Variants in HPSE2 observed in about 807,000 individuals in gnomAD.
HPSE2 encodes the protein heparanase 2 (inactive), also known as inactive heparanase-2.
Under a neutral mutation model 60.5 loss-of-function variants are expected in HPSE2, and 38 were observed. The observed-to-expected ratio is 0.63, with a 90% CI of 0.48 to 0.82. HPSE2 has a LOEUF of 0.82. HPSE2 is among the 40% of genes least tolerant of loss of function. The probability of loss-of-function intolerance (pLI) is 0.00; values close to 1 mark genes in which losing one functional copy is unlikely to be tolerated. For synonymous variants in HPSE2, 295 were observed against 293.2 expected (o/e 1.01, Z -0.06); for missense variants, 713 against 740.4 (o/e 0.96, Z 0.43).
chr10:98,930,634 G>A (rs919570132), intron 3 of HPSE2, among the ~76,000 whole-genome samples: 1 of 144,478 alleles, frequency 6.9e-6, no homozygotes, highest in African/African-American at 2.8e-5. Flanking sequence ...TCTCCACAAT[G>A]TCACCAGCAT....
chr10:99,015,516 T>C (rs984295603), intron 3 of HPSE2, among the ~76,000 whole-genome samples: 1 of 152,084 alleles, frequency 6.6e-6, no homozygotes, highest in Non-Finnish European at 1.5e-5. Context: ...GTGTCCTTTG[T>C]AGGGACATGG....
chr10:99,148,144 C>T (rs1846123511), intron 2 of HPSE2, among the ~76,000 whole-genome samples: 1 of 152,140 alleles, frequency 6.6e-6, no homozygotes, highest in South Asian at 2.1e-4. Flanking sequence ...GAAGGCAACA[C>T]AGCTGTGCTA....
chr10:98,846,855 C>T (rs2134714906), intron 3 of HPSE2, among the ~76,000 whole-genome samples: 2 of 152,284 alleles, frequency 1.3e-5, no homozygotes, highest in African/African-American at 4.8e-5. Flanking sequence ...TACAGGTACA[C>T]ATCACTGTGC....
chr10:99,097,696 C>T (rs1843767265), intron 3 of HPSE2, among the ~76,000 whole-genome samples: 1 of 152,116 alleles, frequency 6.6e-6, no homozygotes, highest in Non-Finnish European at 1.5e-5. Flanking sequence ...CAAAATTCAG[C>T]AAGATTTTAC....
chr10:98,986,591 G>T (rs934753515), intron 3 of HPSE2, among the ~76,000 whole-genome samples: 1 of 147,780 alleles, frequency 6.8e-6, no homozygotes, highest in Non-Finnish European at 1.5e-5. Flanking sequence ...AACTAGAGAA[G>T]CAAGAGCAAA....
intron 2 of HPSE2, among the ~76,000 whole-genome samples, chr10:99,214,041 T>C (rs78002853): frequency 6.6e-6 from 1 of 152,110 alleles, no homozygotes; most frequent in Admixed American, 6.5e-5. Context: ...TAAAAAGGGA[T>C]AAAGAATCTG....
intron 3 of HPSE2, among the ~76,000 whole-genome samples, chr10:99,046,033 A>G (rs985135155): frequency 6.6e-6 from 1 of 152,136 alleles, no homozygotes; most frequent in African/African-American, 2.4e-5. Flanking sequence ...GAACACAGTG[A>G]AAAAATAAAA....
the HPSE2 span, among the ~76,000 whole-genome samples, chr10:99,247,000 A>G: frequency 6.6e-6 from 1 of 152,190 alleles, no homozygotes; most frequent in Admixed American, 6.5e-5. Context: ...TCATACCCAT[A>G]ATCGTATATT....
the HPSE2 span, among the ~76,000 whole-genome samples, chr10:99,254,965 T>C: frequency 2.6e-5 from 4 of 152,174 alleles, no homozygotes; most frequent in African/African-American, 9.6e-5. Flanking sequence ...CTGAAGGTGA[T>C]GAAAATGTTT....
intron 2 of HPSE2, among the ~76,000 whole-genome samples, chr10:99,151,843 GAGTTTGAGGTTGC>G (rs1264205094): frequency 6.6e-6 from 1 of 152,108 alleles, no homozygotes; most frequent in Non-Finnish European, 1.5e-5. Flanking sequence ...TTGAGCTCAG[GAGTTTGAGGTTGC>G]AGTTACCTAT....
the HPSE2 span, among the ~76,000 whole-genome samples, chr10:99,265,592 T>C: frequency 6.6e-6 from 1 of 151,972 alleles, no homozygotes; most frequent in Non-Finnish European, 1.5e-5. Flanking sequence ...AACTTAAAAG[T>C]TGAAGAAAGG....
chr10:99,203,707 C>G (rs1848650750), intron 2 of HPSE2, among the ~76,000 whole-genome samples: 1 of 152,132 alleles, frequency 6.6e-6, no homozygotes, highest in African/African-American at 2.4e-5. Context: ...CAGGCCAGCA[C>G]CCACACGCTG....
chr10:98,460,792 G>A (rs1405147464), intron 11 of HPSE2, among the ~76,000 whole-genome samples: 1 of 152,190 alleles, frequency 6.6e-6, no homozygotes, highest in East Asian at 1.9e-4. Context: ...AGCAAACTTA[G>A]AAAAGAGAAA....
At chr10:98,474,919 T>C (rs1236382962) in intron 11 of HPSE2, among the ~76,000 whole-genome samples, 4 of 152,104 alleles carry the variant, frequency 2.6e-5, no homozygotes, top group African/African-American at 9.7e-5. Flanking sequence ...CTGAGATTCA[T>C]CTCAGAATCC....
At chr10:98,547,501 T>C (rs1318098574) in intron 9 of HPSE2, among the ~76,000 whole-genome samples, 2 of 148,746 alleles carry the variant, frequency 1.3e-5, no homozygotes, top group Middle Eastern at 3.4e-3. Context: ...TCATGTCCTT[T>C]GTAGGGACAT....
intron 5 of HPSE2, among the ~76,000 whole-genome samples, chr10:98,714,789 T>C (rs546770333): frequency 2.6e-5 from 4 of 151,912 alleles, no homozygotes; most frequent in Non-Finnish European, 5.9e-5. Flanking sequence ...CATATTATAT[T>C]CCCATTAGCA....
intron 9 of HPSE2, among the ~76,000 whole-genome samples, chr10:98,580,836 A>ATATATATATATATATGTGTG: frequency 1.7e-5 from 2 of 119,530 alleles, no homozygotes; most frequent in African/African-American, 7.2e-5. Context: ...ATATATATAT[A>ATATATATATATATATGTGTG]TGTGTGTGTG....
intron 3 of HPSE2, among the ~76,000 whole-genome samples, chr10:98,992,948 A>G (rs1329764919): frequency 6.6e-6 from 1 of 152,206 alleles, no homozygotes; most frequent in Non-Finnish European, 1.5e-5. Flanking sequence ...AGTTATGGGA[A>G]TTTCTACAGT....
At chr10:99,169,469 C>CA (rs973397329) in intron 2 of HPSE2, among the ~76,000 whole-genome samples, 5 of 117,320 alleles carry the variant, frequency 4.3e-5, no homozygotes, top group African/African-American at 1.6e-4. Flanking sequence ...GGCACCACTG[C>CA]ACTCCAGCCT....
Sources: gnomAD v4.1 joint callset for allele counts (sites outside exome capture counted in the v4.1 genomes callset) on GRCh38, gnomAD v4.1.1 for gene constraint, MANE v1.5 for transcripts, NCBI Gene and HGNC (gene_info 2026-07-23, HGNC 2026-07-21) for gene names.